AACS: variants seen among roughly 807,000 people sequenced by gnomAD.
AACS encodes acetoacetyl-CoA synthetase, also known as acetoacetate-CoA ligase.
AACS carries 69 observed loss-of-function variants against 83.1 expected under a neutral mutation model. That is an observed-to-expected ratio of 0.83 (90% CI 0.68 to 1.01). The LOEUF (loss-of-function observed/expected upper bound fraction) is 1.01. AACS is among the 50% of genes least tolerant of loss of function. AACS has a pLI of 0.00. For missense variants in AACS, 866 were observed against 882.2 expected (o/e 0.98, Z 0.23); for synonymous variants, 333 against 343.4 (o/e 0.97, Z 0.33).
At position 125,140,147 on chromosome 12, in the gene AACS, T is replaced by G. The variant is rs1227537047; in HGVS notation, c.1882-1945T>G. ...CCCGACTGCAGCCCTCAGGCAGCCA[T>G]GGCTGTCCCAAGTCCAGCGGGCCTT... On this transcript the variant is annotated intron_variant, in intron 17 of 17. Transcript: ENST00000316519. The surrounding 1 kb of genome is among the most constrained non-coding windows in gnomAD (Gnocchi z 5.1). The G allele has an allele frequency of 6.6e-6, 1 of 152,132 alleles. No homozygotes were observed. Among genetic ancestry groups the G allele is most frequent in the African/African-American group, 2.4e-5 (1 of 41,400 alleles). 9.4% of individuals were successfully genotyped at this position (152,132 alleles called of 1,614,324 possible). A position where few individuals can be genotyped will look rare whatever the true frequency, so the allele number is the denominator to read the frequency against.
intron 5 of AACS, among the ~76,000 whole-genome samples, chr12:125,100,400 T>C (rs1481492042): frequency 6.6e-6 from 1 of 152,250 alleles, no homozygotes; most frequent in Admixed American, 6.5e-5. Context: ...CTGAAAACAT[T>C]GGAAATGGAA....
intron 9 of AACS, among the ~76,000 whole-genome samples, chr12:125,115,711 G>C (rs1189256542): frequency 4.6e-5 from 7 of 151,890 alleles, no homozygotes; most frequent in Admixed American, 4.6e-4. Flanking sequence ...CACAGGTGCA[G>C]GAGAGTATCA....
Position 125,102,776 on chromosome 12 carries a change from T to A in AACS, c.668T>A (p.Leu223Gln). 6.2e-7 allele frequency: 1 copy of A among 1,614,202 alleles called. No homozygotes were observed. Among genetic ancestry groups the A allele is most frequent in the Non-Finnish European group, 8.5e-7 (1 of 1,180,018 alleles). ...AAAGAGCACAACCACATGGAAAAGC[T>A]GCAGCAGGTGGTTAAAGGTGTGTGG... ...NGKEHNHMEK[L>Q]QQVVKGLPDL... The change falls in exon 6 of 18, where the codon CTG becomes CAG. Residue 223 changes from leucine (L) to glutamine (Q), a missense_variant. By Grantham distance (113) the Leu-to-Gln change is moderately radical. Transcript: ENST00000316519.
chr12:125,074,084 A>T lies in AACS; in HGVS notation c.237+105A>T. The T allele has an allele frequency of 3.3e-6, 3 of 911,018 alleles. No individual in the cohort carries two copies. The South Asian group carries it at 4.7e-5, about 14-fold the overall frequency. 56.4% of individuals were successfully genotyped at this position (911,018 alleles called of 1,614,324 possible). On this transcript the variant is annotated intron_variant, in intron 2 of 17. Coordinates refer to ENST00000316519, the MANE Select transcript of AACS (RefSeq NM_023928.5). ...AATTGTATCTCCTTTTTACAACCTC[A>T]TGCAGATGGGAAAAAGTCATTGCCC...
In AACS at chr12:125,120,416, G is replaced by C. The variant is rs181939379; in HGVS notation, c.1121+1651G>C. The C allele has an allele frequency of 1.8e-3, 280 of 152,200 alleles. 2 individuals carry two copies. Among genetic ancestry groups the C allele is most frequent in the African/African-American group, 6.2e-3 (259 of 41,502 alleles). The allele number at this position is 152,200 out of a possible 1,614,324, so 9.4% of individuals were successfully genotyped here. On this transcript the variant is annotated intron_variant, in intron 10 of 17. Coordinates refer to ENST00000316519, the MANE Select transcript of AACS (RefSeq NM_023928.5). ...GAGCCACTCATGTTTTTAAATCCTT[G>C]GCCATTAAACATTTTAAATATAACT...
intron 16 of AACS, 25 bp from the exon 17 acceptor site, chr12:125,136,637 T>A (rs1456480017): frequency 1.2e-6 from 2 of 1,608,560 alleles, no homozygotes; most frequent in Non-Finnish European, 8.5e-7. Flanking sequence ...CCTGCGTGAA[T>A]GTGCACCCTC....
intron 4 of AACS, among the ~76,000 whole-genome samples, chr12:125,089,616 C>A (rs1592959073): frequency 6.6e-6 from 1 of 152,202 alleles, no homozygotes; most frequent in East Asian, 1.9e-4. Context: ...CTTGACAGTA[C>A]TGCTTGTGTT....
chr12:125,108,683 TTTGAGATGGAGTC>T (rs1352424747), intron 8 of AACS, among the ~76,000 whole-genome samples: 2 of 152,220 alleles, frequency 1.3e-5, no homozygotes, highest in East Asian at 3.9e-4. Context: ...TTTATTTTTT[TTTGAGATGGAGTC>T]TTGATCTGTC....
Position 125,129,446 on chromosome 12 carries a change from T to G in AACS, c.1535T>G (p.Phe512Cys), listed in dbSNP as rs775921260. 15 of 1,613,686 alleles carry G rather than the reference T, an allele frequency of 9.3e-6. No individual in the cohort carries two copies. The highest frequency in any genetic ancestry group is 1.2e-5 in the Non-Finnish European group (14 of 1,179,842). ...ENGNKYRKAY[F>C]SKFPGIWAHG... ...GGCAACAAGTACAGGAAGGCGTATT[T>G]CTCCAAATTCCCAGGTCGGTTGGAG... Residue 512 changes from phenylalanine to cysteine, a missense_variant, in exon 14 of 18, where the codon TTC becomes TGC. Coordinates refer to ENST00000316519, the MANE Select transcript of AACS (RefSeq NM_023928.5). The surrounding 1 kb of genome is among the most constrained non-coding windows in gnomAD (Gnocchi z 4.3).
rs1240973045 is a variant in AACS, at chr12:125,143,092, GCACCC to G, written c.*865_*869del. ...GGTTCTTGTCGAGATCATGTCATCAGCACCCCTAAGTCAAGTCACGGGTTTCCATA... is the reference window on the plus strand; with the variant it reads ...GGTTCTTGTCGAGATCATGTCATCAGCTAAGTCAAGTCACGGGTTTCCATA... On this transcript the variant is annotated 3_prime_UTR_variant, in exon 18 of 18. Transcript: ENST00000316519. 1 of 152,192 alleles carries G rather than the reference GCACCC, an allele frequency of 6.6e-6. No homozygotes were observed. Among genetic ancestry groups the G allele is most frequent in the Non-Finnish European group, 1.5e-5 (1 of 68,030 alleles). The allele number at this position is 152,192 out of a possible 1,614,324, so 9.4% of individuals were successfully genotyped here.
At chr12:125,108,159 A>G (rs910914890) in intron 8 of AACS, among the ~76,000 whole-genome samples, 2 of 152,284 alleles carry the variant, frequency 1.3e-5, no homozygotes, top group Admixed American at 1.3e-4. Context: ...TTACTAGGTT[A>G]TTAGGTTATT....
At chr12:125,091,910 A>G (rs976887269) in intron 5 of AACS, among the ~76,000 whole-genome samples, 2 of 152,222 alleles carry the variant, frequency 1.3e-5, no homozygotes, top group African/African-American at 2.4e-5. Context: ...TGCCTGCAGA[A>G]GTTCCCCAGG....
At chr12:125,110,621 G>A (rs1475939051) in intron 8 of AACS, among the ~76,000 whole-genome samples, 1 of 152,138 alleles carries the variant, frequency 6.6e-6, no homozygotes, top group East Asian at 1.9e-4. Context: ...TCAGCCTATA[G>A]GGAGGAGAAA....
At position 125,124,787 on chromosome 12, in the gene AACS, G is replaced by T. The variant is rs1957219083; in HGVS notation, c.1186+18G>T. ...GAAGCCGGGTGAGTGTGCCTCTTCA[G>T]TACTCATTCCCTGTACTGCCAATCA... is the stretch of plus-strand genomic sequence containing the variant. On this transcript the variant is annotated intron_variant, in intron 11 of 17. Coordinates refer to ENST00000316519, the MANE Select transcript of AACS (RefSeq NM_023928.5). 6.2e-7 allele frequency: 1 copy of T among 1,614,060 alleles called. No homozygotes were observed. Among genetic ancestry groups the T allele is most frequent in the South Asian group, 1.1e-5 (1 of 91,090 alleles).
At chr12:125,114,412 G>C in intron 8 of AACS, 65 bp from the exon 9 acceptor site, 1 of 1,364,542 alleles carries the variant, frequency 7.3e-7, no homozygotes, top group Non-Finnish European at 1.0e-6. Context: ...GCGTGGGCCA[G>C]GTACCAGATT....
Position 125,142,091 on chromosome 12 carries a change from G to C in AACS, c.1882-1G>C, listed in dbSNP as rs766904763. 6.2e-7 allele frequency: 1 copy of C among 1,614,052 alleles called. No homozygotes were observed. On this transcript the variant is annotated splice_acceptor_variant, in intron 17 of 17. Transcript: ENST00000316519. LOFTEE classifies it high-confidence loss of function. Reference sequence around the variant, plus strand: ...CCTGTTTTTCTACCTTTCCCTCGCAGTATACGCTCAACGGCAAGAAAGTGG... The same window carrying C: ...CCTGTTTTTCTACCTTTCCCTCGCACTATACGCTCAACGGCAAGAAAGTGG...
rs947393176 is a variant in AACS at position 125,113,993 on chromosome 12, G to T, written c.916-484G>T. On this transcript the variant is annotated intron_variant, in intron 8 of 17. Coordinates refer to ENST00000316519, the MANE Select transcript of AACS (RefSeq NM_023928.5). The surrounding 1 kb of genome is among the most constrained non-coding windows in gnomAD (Gnocchi z 4.8). Reference sequence around the variant, plus strand: ...GCATTCCTGAAATCCGATCTTGAACGTGAGTCCCAGCTACAGTCTTGCTCT... The same window carrying T: ...GCATTCCTGAAATCCGATCTTGAACTTGAGTCCCAGCTACAGTCTTGCTCT... Among the ~76,000 whole-genome samples the T allele has an allele frequency of 6.6e-6, 1 of 152,024 alleles. No homozygotes were observed. Among genetic ancestry groups the T allele is most frequent in the Non-Finnish European group, 1.5e-5 (1 of 68,006 alleles).
At chr12:125,072,633 T>G (rs918576130) in intron 1 of AACS, among the ~76,000 whole-genome samples, 1 of 152,236 alleles carries the variant, frequency 6.6e-6, no homozygotes, top group Non-Finnish European at 1.5e-5. Flanking sequence ...AAAATTCTCC[T>G]GTCCCTAAGG....
chr12:125,066,351 G>A (rs1288302346), intron 1 of AACS, among the ~76,000 whole-genome samples: 1 of 151,794 alleles, frequency 6.6e-6, no homozygotes, highest in Non-Finnish European at 1.5e-5. Context: ...CTCCTTCTCC[G>A]TGGGGTAACC....
Sources: gnomAD v4.1 joint callset for allele counts (sites outside exome capture counted in the v4.1 genomes callset) on GRCh38, gnomAD v4.1.1 for gene constraint, Gnocchi (gnomAD v3.1) non-coding constraint, MANE v1.5 for transcripts, NCBI Gene and HGNC (gene_info 2026-07-23, HGNC 2026-07-21) for gene names.